The following PDGFRB variants were observed in gnomAD, a reference collection of about 807,000 sequenced individuals.
PDGFRB encodes the protein platelet derived growth factor receptor beta, also known as platelet-derived growth factor receptor beta.
PDGFRB carries 42 observed loss-of-function variants against 120.2 expected under a neutral mutation model. The observed-to-expected ratio is 0.35, with a 90% CI of 0.27 to 0.45. The LOEUF (loss-of-function observed/expected upper bound fraction) is 0.45. PDGFRB is among the 20% of genes least tolerant of loss of function. The pLI is 1.00. For synonymous variants in PDGFRB, 586 were observed against 606.8 expected, an observed-to-expected ratio of 0.97 and a Z score of 0.50; for missense variants, 1,149 against 1,476.3, an observed-to-expected ratio of 0.78 and a Z score of 3.63.
intron 9 of PDGFRB, among the ~76,000 whole-genome samples, 166 bp from the exon 10 acceptor site, chr5:150,130,134 C>T (rs560753225): frequency 5.3e-5 from 8 of 152,232 alleles, no homozygotes; most frequent in African/African-American, 1.7e-4. Context: ...GCAGGGGGTG[C>T]TCCCATCCCA....
chr5:150,147,068 G>C (rs1562027403), intron 1 of PDGFRB, among the ~76,000 whole-genome samples: 1 of 152,204 alleles, frequency 6.6e-6, no homozygotes, highest in Non-Finnish European at 1.5e-5. Flanking sequence ...GGCAGGGGCA[G>C]TGCTCCTGCG....
rs902322736 is a variant in PDGFRB at position 150,114,132 on chromosome 5, G to A, written c.*1631C>T. 26 of 233,404 alleles carry A rather than the reference G, an allele frequency of 1.1e-4. No individual in the cohort carries two copies. The highest frequency in any genetic ancestry group is 5.4e-4 in the South Asian group (3 of 5,530). 14.5% of individuals were successfully genotyped at this position (233,404 alleles called of 1,614,324 possible). ...CTGCACCCCCTTCCCAACCCTCCCC[G>A]TGCGGGGGCGTCTTGGCTACAACCC... On this transcript the variant is annotated 3_prime_UTR_variant, in exon 23 of 23. Transcript: ENST00000261799.
At chr5:150,118,526 G>C (rs1341961768) in intron 21 of PDGFRB, among the ~76,000 whole-genome samples, 1 of 152,156 alleles carries the variant, frequency 6.6e-6, no homozygotes, top group South Asian at 2.1e-4. Flanking sequence ...GCATCTAATC[G>C]ATCAGCTTCC....
intron 14 of PDGFRB, 99 bp from the exon 15 acceptor site, chr5:150,123,300 T>C: frequency 1.1e-6 from 1 of 902,794 alleles, no homozygotes; most frequent in Non-Finnish European, 1.7e-6. Context: ...AGAGACACTT[T>C]GGCATGACGG....
At chr5:150,133,032 G>T in intron 6 of PDGFRB, 90 bp from the exon 7 acceptor site, 2 of 897,498 alleles carry the variant, frequency 2.2e-6, no homozygotes, top group Non-Finnish European at 1.7e-6. Context: ...GGGGCTTCAG[G>T]CCTGGGGACC....
Position 150,113,959 on chromosome 5 carries a change from G to A in PDGFRB, c.*1804C>T. 1 of 233,500 alleles carries A rather than the reference G, an allele frequency of 4.3e-6. No homozygotes were observed. Among genetic ancestry groups the A allele is most frequent in the East Asian group, 6.0e-5 (1 of 16,572 alleles). The allele number at this position is 233,500 out of a possible 1,614,324, so 14.5% of individuals were successfully genotyped here. On this transcript the variant is annotated 3_prime_UTR_variant, in exon 23 of 23. Coordinates refer to ENST00000261799, the MANE Select transcript of PDGFRB (RefSeq NM_002609.4). ...GCTGTATAAATGTGAGTTAACGTGA[G>A]TCCTAAAAATATTTGTAAACCTAGG... is the stretch of plus-strand genomic sequence containing the variant.
In PDGFRB at chr5:150,117,660, A is replaced by G; in HGVS notation, c.3095T>C (p.Val1032Ala). Residue 1032 changes from valine (V) to alanine (A), a missense_variant, in exon 22 of 23, where the codon GTT becomes GCT. By Grantham distance (64) the Val-to-Ala change is moderately conservative (BLOSUM62 0). Transcript: ENST00000261799. ...IIPLPDPKPE[V>A]ADEGPLEGSP... is the part of the protein sequence containing the mutation. ...ACCCTCCAGTGGGCCCTCGTCAGCAACCTCGGGTTTGGGGTCAGGCAGGGG... is the reference window on the plus strand; with the variant it reads ...ACCCTCCAGTGGGCCCTCGTCAGCAGCCTCGGGTTTGGGGTCAGGCAGGGG... 6.2e-7 allele frequency: 1 copy of G among 1,612,578 alleles called. No individual in the cohort carries two copies. Among genetic ancestry groups the G allele is most frequent in the South Asian group, 1.1e-5 (1 of 91,002 alleles).
chr5:150,154,080 A>G (rs181838228), intron 1 of PDGFRB: 1 of 152,246 alleles, frequency 6.6e-6, no homozygotes, highest in East Asian at 1.9e-4. Flanking sequence ...ACAGATCACC[A>G]ACAGGGGAGG....
chr5:150,144,347 A>G (rs951424087), intron 1 of PDGFRB, among the ~76,000 whole-genome samples: 3 of 152,042 alleles, frequency 2.0e-5, no homozygotes, highest in Admixed American at 6.6e-5. Flanking sequence ...CGGCCCTGAC[A>G]GCTCCCTCAC....
At chr5:150,139,672 C>T (rs1323823571) in intron 1 of PDGFRB, among the ~76,000 whole-genome samples, 1 of 147,914 alleles carries the variant, frequency 6.8e-6, no homozygotes, top group Non-Finnish European at 1.5e-5. Flanking sequence ...CTCAGTTTCC[C>T]CATCTATACA....
rs1205227424 is a variant in PDGFRB at position 150,132,312 on chromosome 5, G to T, written c.1128-218C>A. On this transcript the variant is annotated intron_variant, in intron 7 of 22. Transcript: ENST00000261799. This position sits in a 1 kb window ranked among gnomAD's most constrained non-coding sequence, Gnocchi z 5.0. ...GGAGGGTTGAGATGAACTGTGGGTG[G>T]GGGTGGGGAGCATTGAAGGAAAGTC... 2.0e-5 allele frequency among the ~76,000 whole-genome samples: 3 copies of T among 152,016 alleles called. No homozygotes were observed. Among genetic ancestry groups the T allele is most frequent in the African/African-American group, 7.2e-5 (3 of 41,426 alleles).
In PDGFRB at chr5:150,117,745, T is replaced by A. The variant is rs2113884004; in HGVS notation, c.3010A>T (p.Thr1004Ser). 6.2e-7 allele frequency: 1 copy of A among 1,613,400 alleles called. No individual in the cohort carries two copies. Among genetic ancestry groups the A allele is most frequent in the South Asian group, 1.1e-5 (1 of 91,062 alleles). ...GFHGLRSPLD[T>S]SSVLYTAVQP... Reference sequence around the variant, plus strand: ...ACGGCAGTATAGAGGACGGAGCTGGTGTCCAGGGGAGATCGGAGGCCATGG... The same window carrying A: ...ACGGCAGTATAGAGGACGGAGCTGGAGTCCAGGGGAGATCGGAGGCCATGG... Residue 1004 changes from threonine to serine, a missense_variant, in exon 22 of 23, where the codon ACC (threonine) becomes TCC (serine). By Grantham distance (58) the Thr-to-Ser change is moderately conservative. Transcript: ENST00000261799.
intron 12 of PDGFRB, among the ~76,000 whole-genome samples, 168 bp from the exon 13 acceptor site, chr5:150,124,999 T>C (rs1037505856): frequency 6.6e-6 from 1 of 150,818 alleles, no homozygotes; most frequent in African/African-American, 2.4e-5. Flanking sequence ...TAAACCACCT[T>C]GGACTCAGGA....
intron 14 of PDGFRB, 192 bp downstream of exon 14, chr5:150,124,058 A>C: frequency 2.3e-6 from 1 of 427,114 alleles, no homozygotes; most frequent in South Asian, 7.2e-5. Context: ...TTCAGCCTTG[A>C]AGGTGTTGTG....
intron 1 of PDGFRB, among the ~76,000 whole-genome samples, chr5:150,142,148 G>A (rs530714676): frequency 6.6e-5 from 10 of 152,110 alleles, no homozygotes; most frequent in South Asian, 4.1e-4. Flanking sequence ...GTGCTCCATT[G>A]TGCTCGTGGG....
intron 10 of PDGFRB, among the ~76,000 whole-genome samples, chr5:150,129,483 C>T (rs1760390316): frequency 6.6e-6 from 1 of 152,226 alleles, no homozygotes; most frequent in Admixed American, 6.5e-5. Context: ...TGCTCATGTA[C>T]ATGGCTTACG....
At chr5:150,147,680 C>T (rs1562028142) in intron 1 of PDGFRB, among the ~76,000 whole-genome samples, 1 of 152,204 alleles carries the variant, frequency 6.6e-6, no homozygotes. Context: ...GCAGAGAACC[C>T]CCATGTTTCA....
rs2113889761 is a variant in PDGFRB, at chr5:150,121,253, C to T, written c.2414G>A (p.Gly805Asp). 1 of 1,607,546 alleles carries T rather than the reference C, an allele frequency of 6.2e-7. No individual in the cohort carries two copies. The highest frequency in any genetic ancestry group is 8.5e-7 in the Non-Finnish European group (1 of 1,174,080). ...GCCATTGGCCACCTGGTAGCTGAAG[C>T]CCACGAGGTCCATGTAGCTTAGCAC... The part of the protein sequence containing the change: ...SPVLSYMDLV[G>D]FSYQVANGME... The change falls in exon 17 of 23, where the codon GGC becomes GAC. Residue 805 changes from glycine (G) to aspartate (D), a missense_variant. This residue lies in a region of PDGFRB where 879 missense variants were observed against 1,108.6 expected (regional missense o/e 0.79). Transcript: ENST00000261799. The surrounding 1 kb of genome is among the most constrained non-coding windows in gnomAD (Gnocchi z 4.1).
At chr5:150,151,596 C>G (rs543763607) in intron 1 of PDGFRB, among the ~76,000 whole-genome samples, 1 of 152,108 alleles carries the variant, frequency 6.6e-6, no homozygotes, top group East Asian at 1.9e-4. Context: ...CGGTGGCTCA[C>G]GCCTGTAATC....
Sources: allele counts gnomAD v4.1 joint callset (sites outside exome capture counted in the v4.1 genomes callset), GRCh38; gene constraint gnomAD v4.1.1; regional missense constraint gnomAD v4.1.1; non-coding constraint Gnocchi (gnomAD v3.1); transcripts MANE v1.5; gene names NCBI Gene and HGNC (gene_info 2026-07-23, HGNC 2026-07-21).